Variants in CEP63 observed in about 807,000 individuals in gnomAD.
The protein encoded by CEP63 is centrosomal protein of 63 kDa.
Under a neutral mutation model 89.1 loss-of-function variants are expected in CEP63, and 84 were observed. The ratio of observed to expected loss-of-function variants is 0.94; its 90% confidence interval spans 0.79 to 1.13. The LOEUF (loss-of-function observed/expected upper bound fraction) is 1.13. CEP63 is among the 50% of genes most tolerant of loss of function. The probability of loss-of-function intolerance (pLI) is 0.00; values close to 1 mark genes in which losing one functional copy is unlikely to be tolerated. For missense variants in CEP63, 838 were observed against 813.3 expected, an observed-to-expected ratio of 1.03 and a Z score of -0.37; for synonymous variants, 267 against 272.5, an observed-to-expected ratio of 0.98 and a Z score of 0.20.
the CEP63 span, among the ~76,000 whole-genome samples, chr3:134,708,434 T>C: frequency 1.3e-5 from 2 of 152,224 alleles, no homozygotes; most frequent in South Asian, 2.1e-4. Context: ...CTGTGTGTGA[T>C]AGAATTGGTC....
the CEP63 span, among the ~76,000 whole-genome samples, chr3:134,651,913 G>A: frequency 1.3e-5 from 2 of 152,228 alleles, no homozygotes; most frequent in Non-Finnish European, 2.9e-5. Context: ...TGGGCACTAC[G>A]GGCCCACCCT....
chr3:134,675,005 A>G, the CEP63 span, among the ~76,000 whole-genome samples: 3 of 152,316 alleles, frequency 2.0e-5, no homozygotes, highest in South Asian at 6.2e-4. Flanking sequence ...CCCAATCAAA[A>G]CCAGCTGCCT....
chr3:134,733,388 G>A, the CEP63 span, among the ~76,000 whole-genome samples: 2 of 151,654 alleles, frequency 1.3e-5, no homozygotes, highest in African/African-American at 2.4e-5. Context: ...AATCCTCATG[G>A]CTTCCAAGCA....
chr3:134,743,951 G>A, the CEP63 span, among the ~76,000 whole-genome samples: 914 of 152,200 alleles, frequency 6.0e-3, 4 homozygotes, highest in Middle Eastern at 0.014. Flanking sequence ...AAGGTAGAAG[G>A]CAGAGCACAG....
chr3:134,781,576 GA>G, the CEP63 span, among the ~76,000 whole-genome samples: 1 of 150,958 alleles, frequency 6.6e-6, no homozygotes, highest in Non-Finnish European at 1.5e-5. Flanking sequence ...CTGGGTGATG[GA>G]TCATTTGTAC....
At chr3:134,742,974 G>A in the CEP63 span, among the ~76,000 whole-genome samples, 1 of 152,252 alleles carries the variant, frequency 6.6e-6, no homozygotes. Context: ...GGAATCAGCT[G>A]GAACAGCCCA....
the CEP63 span, chr3:134,619,090 G>A: frequency 7.9e-6 from 11 of 1,398,474 alleles, no homozygotes; most frequent in South Asian, 1.2e-5. Context: ...ACATGGCACT[G>A]TGGAAGAGGG....
chr3:134,705,507 G>A, the CEP63 span, among the ~76,000 whole-genome samples: 1 of 152,162 alleles, frequency 6.6e-6, no homozygotes, highest in Non-Finnish European at 1.5e-5. Flanking sequence ...TGTTTCCATT[G>A]AGAATCAAAT....
At chr3:134,773,233 G>T in the CEP63 span, among the ~76,000 whole-genome samples, 5 of 152,106 alleles carry the variant, frequency 3.3e-5, no homozygotes, top group Admixed American at 3.3e-4. Flanking sequence ...AGCACTCATG[G>T]GTGAGACCAA....
the CEP63 span, among the ~76,000 whole-genome samples, chr3:134,663,492 C>T: frequency 3.3e-5 from 5 of 152,144 alleles, no homozygotes; most frequent in Non-Finnish European, 5.9e-5. Flanking sequence ...ATTAGATATT[C>T]TAGAATCATA....
At chr3:134,672,115 T>C in the CEP63 span, among the ~76,000 whole-genome samples, 2 of 152,180 alleles carry the variant, frequency 1.3e-5, no homozygotes, top group African/African-American at 4.8e-5. Context: ...CTGTAAAAAA[T>C]GGGGTACACT....
chr3:134,603,964 G>A, the CEP63 span: 1 of 1,613,916 alleles, frequency 6.2e-7, no homozygotes, highest in South Asian at 1.1e-5. Flanking sequence ...GATCTTGAGG[G>A]CAAACTTGCC....
chr3:134,679,025 T>C, the CEP63 span, among the ~76,000 whole-genome samples: 10 of 150,862 alleles, frequency 6.6e-5, no homozygotes, highest in Non-Finnish European at 1.5e-4. Context: ...TATAGACCCA[T>C]TGTATACTGG....
chr3:134,731,673 C>T, the CEP63 span, among the ~76,000 whole-genome samples: 1 of 152,142 alleles, frequency 6.6e-6, no homozygotes, highest in Non-Finnish European at 1.5e-5. Flanking sequence ...ACCCATGATC[C>T]ACTCCTTCAC....
At chr3:134,619,999 A>C in the CEP63 span, 1 of 152,296 alleles carries the variant, frequency 6.6e-6, no homozygotes, top group African/African-American at 2.4e-5. Context: ...CTGTTGTTCC[A>C]GAAGAATAAA....
intron 9 of CEP63, 132 bp downstream of exon 9, chr3:134,547,604 G>GGTTTTATTTTT: frequency 5.6e-6 from 1 of 179,016 alleles, no homozygotes; most frequent in South Asian, 5.2e-5. Context: ...AATGGCCTAA[G>GGTTTTATTTTT]TTCTTATTTC....
rs1953664152 is a variant in CEP63, at chr3:134,547,422, C to T, written c.1017C>T (p.Thr339=). The T allele has an allele frequency of 1.2e-6, 2 of 1,613,710 alleles. No homozygotes were observed. The highest frequency in any genetic ancestry group is 1.7e-6 in the Non-Finnish European group (2 of 1,179,722). The change falls in exon 9 of 15, where the codon ACC becomes ACT. Residue 339 remains threonine (T), a synonymous_variant. Coordinates refer to ENST00000675561, the MANE Select transcript of CEP63 (RefSeq NM_001353108.3). ...GTGTGCTCTCCCAGTTGAATTTTAC[C>T]CATACTAGTGAGGACCTTCTGCAGG... The part of the protein sequence containing the change: ...LDSVLSQLNF[T]HTSEDLLQAE...
At chr3:134,646,756 C>T in the CEP63 span, among the ~76,000 whole-genome samples, 1 of 152,176 alleles carries the variant, frequency 6.6e-6, no homozygotes, top group African/African-American at 2.4e-5. Context: ...TGATGGAGTT[C>T]TCTACTGGGG....
intron 3 of CEP63, among the ~76,000 whole-genome samples, chr3:134,524,319 TGTC>T (rs1415631909): frequency 6.6e-6 from 1 of 152,218 alleles, no homozygotes. Flanking sequence ...TAGAGGATCA[TGTC>T]GTCTACAAAC....
Sources: allele counts gnomAD v4.1 joint callset (sites outside exome capture counted in the v4.1 genomes callset), GRCh38; gene constraint gnomAD v4.1.1; transcripts MANE v1.5; gene names NCBI Gene and HGNC (gene_info 2026-07-23, HGNC 2026-07-21).